Variants in GBE1 observed in about 807,000 individuals in gnomAD.
The protein encoded by GBE1 is 1,4-alpha-glucan-branching enzyme.
Under a neutral mutation model 88.8 loss-of-function variants are expected in GBE1, and 70 were observed. The ratio of observed to expected loss-of-function variants is 0.79; its 90% CI spans 0.65 to 0.96. The LOEUF is 0.96. Ranked by LOEUF, GBE1 falls within the 40% of genes least tolerant of loss-of-function variation. The pLI, the probability that GBE1 is intolerant of heterozygous loss-of-function variation, is 0.00. For missense variants in GBE1, 872 were observed against 871.0 expected (o/e 1.00, Z -0.01); for synonymous variants, 284 against 300.1 (o/e 0.95, Z 0.56).
At chr3:81,535,378 A>G in intron 13 of GBE1, 53 bp from the exon 14 acceptor site, 1 of 1,516,168 alleles carries the variant, frequency 6.6e-7, no homozygotes, top group Admixed American at 2.2e-5. Context: ...ATGCTGCTAC[A>G]AGTACATTAT....
chr3:81,507,517 T>C (rs1240149687), intron 14 of GBE1, among the ~76,000 whole-genome samples: 3 of 151,934 alleles, frequency 2.0e-5, no homozygotes. Context: ...TGAGCCAGGA[T>C]TGCACCACTA....
intron 1 of GBE1, among the ~76,000 whole-genome samples, chr3:81,718,453 A>C (rs1347874460): frequency 6.6e-6 from 1 of 152,160 alleles, no homozygotes; most frequent in Non-Finnish European, 1.5e-5. Context: ...ATAACCCAAC[A>C]CCGGGAGAAG....
chr3:81,642,267 A>G (rs1448428895), intron 7 of GBE1, among the ~76,000 whole-genome samples: 2 of 152,082 alleles, frequency 1.3e-5, no homozygotes, highest in Non-Finnish European at 2.9e-5. Flanking sequence ...ATTAAATAAG[A>G]TAAAATAGGT....
intron 12 of GBE1, among the ~76,000 whole-genome samples, chr3:81,539,674 T>G (rs1198721496): frequency 6.6e-6 from 1 of 152,010 alleles, no homozygotes; most frequent in Non-Finnish European, 1.5e-5. Context: ...GATGACAGAC[T>G]GACTGAATGG....
Position 81,670,852 on chromosome 3 carries a change from C to A in GBE1, c.415G>T (p.Gly139Ter), listed in dbSNP as rs1553690406. ...GAGGAAAGTACCTTTAATTTGGATC[C>A]ATGAGGCACGAGTACAGATTTATTC... The part of the protein sequence containing the change: ...KQNKSVLVPH[G>*]SKLKVVITSK... Residue 139 changes from glycine to a stop codon, truncating the protein, a stop_gained, in exon 3 of 16, where the codon GGA (glycine) becomes TGA (stop). Transcript: ENST00000429644. LOFTEE classifies it high-confidence loss of function. 4 of 1,551,018 alleles carry A rather than the reference C, an allele frequency of 2.6e-6. No individual in the cohort carries two copies. The highest frequency in any genetic ancestry group is 1.3e-5 in the South Asian group (1 of 79,036).
intron 6 of GBE1, among the ~76,000 whole-genome samples, chr3:81,645,232 T>G (rs1704746793): frequency 2.0e-5 from 3 of 152,146 alleles, no homozygotes; most frequent in Admixed American, 2.0e-4. Context: ...GGAACTAAGT[T>G]CTGATTATTG....
At chr3:81,617,631 T>C (rs932975859) in intron 7 of GBE1, among the ~76,000 whole-genome samples, 1 of 151,962 alleles carries the variant, frequency 6.6e-6, no homozygotes, top group Non-Finnish European at 1.5e-5. Flanking sequence ...TAATATCTTG[T>C]TAAGAATTTT....
At chr3:81,503,283 T>C (rs768662092) in intron 14 of GBE1, among the ~76,000 whole-genome samples, 1 of 151,978 alleles carries the variant, frequency 6.6e-6, no homozygotes, top group African/African-American at 2.4e-5. Context: ...CAAAAAGCAA[T>C]ATGCAATGAG....
At chr3:81,554,477 T>C (rs1330291618) in intron 12 of GBE1, among the ~76,000 whole-genome samples, 1 of 152,180 alleles carries the variant, frequency 6.6e-6, no homozygotes, top group Non-Finnish European at 1.5e-5. Flanking sequence ...AGTTTAGTAG[T>C]GAAGACAGAC....
chr3:81,527,441 G>A (rs1232463627), intron 14 of GBE1, among the ~76,000 whole-genome samples: 1 of 152,096 alleles, frequency 6.6e-6, no homozygotes, highest in East Asian at 1.9e-4. Context: ...GCAACTTACA[G>A]AATGGGAGAA....
rs554778738 is a variant in GBE1, at chr3:81,535,300, C to T, written c.1829G>A (p.Gly610Asp). The part of the protein sequence containing the change: ...PQAYVSEKHE[G>D]NKIIAFERAG... ...TCTTTCAAAAGCAATGATCTTATTG[C>T]CTTCATGTTTTTCACTCACGTAGGC... The change falls in exon 14 of 16, where the codon GGC becomes GAC. Residue 610 changes from glycine (G) to aspartate (D), a missense_variant. Gly to Asp is a moderately conservative substitution (Grantham distance 94). Transcript: ENST00000429644. 5.6e-6 allele frequency: 9 copies of T among 1,609,492 alleles called. No homozygotes were observed. The South Asian group carries it at 6.6e-5, about 12-fold the overall frequency.
chr3:81,741,698 G>C (rs1394787690), intron 1 of GBE1, among the ~76,000 whole-genome samples: 1 of 151,234 alleles, frequency 6.6e-6, no homozygotes, highest in East Asian at 1.9e-4. Context: ...TATATGTGGT[G>C]TGTATACAAC....
At chr3:81,756,178 T>C (rs1421125248) in intron 1 of GBE1, among the ~76,000 whole-genome samples, 2 of 152,206 alleles carry the variant, frequency 1.3e-5, no homozygotes, top group African/African-American at 2.4e-5. Context: ...AAACTTTTAG[T>C]CTCTGATGAG....
Position 81,603,003 on chromosome 3 carries a change from G to T in GBE1, c.993-8980C>A, listed in dbSNP as rs138813487. ...AGACTCTGCTTACTCTCTGCCTGGA[G>T]AATGCATTCCTTTCCTCCTTACTCC... On this transcript the variant is annotated intron_variant, in intron 7 of 15. Transcript: ENST00000429644. Among the ~76,000 whole-genome samples the T allele has an allele frequency of 7.9e-3, 1,201 of 152,144 alleles. 14 individuals carry two copies. Among genetic ancestry groups the T allele is most frequent in the African/African-American group, 0.026 (1,095 of 41,516 alleles).
At chr3:81,587,943 C>A (rs1282832313) in intron 9 of GBE1, among the ~76,000 whole-genome samples, 1 of 152,146 alleles carries the variant, frequency 6.6e-6, no homozygotes, top group Non-Finnish European at 1.5e-5. Context: ...ATTTTAATTA[C>A]TAAGTACTTC....
At chr3:81,515,983 A>G (rs928128968) in intron 14 of GBE1, among the ~76,000 whole-genome samples, 2 of 151,696 alleles carry the variant, frequency 1.3e-5, no homozygotes, top group Non-Finnish European at 3.0e-5. Context: ...GAATAAAGAC[A>G]TCTTCATAAC....
intron 12 of GBE1, among the ~76,000 whole-genome samples, chr3:81,559,116 G>T (rs943985438): frequency 6.6e-6 from 1 of 152,134 alleles, no homozygotes; most frequent in East Asian, 1.9e-4. Context: ...TACTCGAGAA[G>T]TATTTTCAAG....
intron 12 of GBE1, among the ~76,000 whole-genome samples, chr3:81,570,935 G>T (rs1474594408): frequency 6.6e-6 from 1 of 152,076 alleles, no homozygotes; most frequent in Non-Finnish European, 1.5e-5. Context: ...TCTACCAAGT[G>T]CCCTATATAA....
At chr3:81,719,440 C>T (rs1705989883) in intron 1 of GBE1, among the ~76,000 whole-genome samples, 1 of 152,142 alleles carries the variant, frequency 6.6e-6, no homozygotes, top group Non-Finnish European at 1.5e-5. Context: ...TGGTGTCAAA[C>T]TCCTGACCTC....
Sources: allele counts gnomAD v4.1 joint callset (sites outside exome capture counted in the v4.1 genomes callset), GRCh38; gene constraint gnomAD v4.1.1; transcripts MANE v1.5; gene names NCBI Gene and HGNC (gene_info 2026-07-23, HGNC 2026-07-21).